Variants in MAGI2 observed in about 807,000 individuals in gnomAD.
MAGI2 encodes the protein membrane-associated guanylate kinase, WW and PDZ domain-containing protein 2.
Under a neutral mutation model 133.3 loss-of-function variants are expected in MAGI2, and 35 were observed. The ratio of observed to expected loss-of-function variants is 0.26; its 90% CI spans 0.20 to 0.35. The LOEUF (loss-of-function observed/expected upper bound fraction) is 0.35, where lower values mean the gene tolerates loss of function less well. Among genes scored for constraint, MAGI2 ranks in the 10% least tolerant of loss-of-function variants. MAGI2 has a pLI of 1.00. For synonymous variants in MAGI2, 729 were observed against 710.6 expected, an observed-to-expected ratio of 1.03 and a Z score of -0.41; for missense variants, 1,636 against 1,863.4, an observed-to-expected ratio of 0.88 and a Z score of 2.25.
At chr7:79,075,381 C>T (rs1815370343) in intron 1 of MAGI2, among the ~76,000 whole-genome samples, 2 of 152,116 alleles carry the variant, frequency 1.3e-5, no homozygotes, top group East Asian at 1.9e-4. Context: ...TGTGGGTAGG[C>T]AACACTATTT....
chr7:79,267,802 G>A (rs1834592562), intron 1 of MAGI2, among the ~76,000 whole-genome samples: 1 of 152,170 alleles, frequency 6.6e-6, no homozygotes, highest in African/African-American at 2.4e-5. Context: ...GATGGCTGAA[G>A]CTTAAATAAC....
At chr7:78,330,714 T>C (rs1789098064) in intron 9 of MAGI2, among the ~76,000 whole-genome samples, 1 of 151,312 alleles carries the variant, frequency 6.6e-6, no homozygotes, top group Non-Finnish European at 1.5e-5. Context: ...AACTAAGCCT[T>C]GGGGATTTAT....
chr7:78,990,958 T>G (rs1038279599), intron 2 of MAGI2, among the ~76,000 whole-genome samples: 6 of 139,198 alleles, frequency 4.3e-5, no homozygotes, highest in Non-Finnish European at 7.9e-5. Context: ...ATGGTTTGGC[T>G]TTTTGTCCCC....
rs139883828 is a variant in MAGI2 at position 78,745,346 on chromosome 7, T to A, written c.419-118107A>T. On this transcript the variant is annotated intron_variant, in intron 2 of 21. Coordinates refer to ENST00000354212, the MANE Select transcript of MAGI2 (RefSeq NM_012301.4). ...TTTCCCACAGTACCAGTGAAAAGAT[T>A]CAATGAGAGGTGAGAGCAGAGGCCC... 7.9e-4 allele frequency among the ~76,000 whole-genome samples: 120 copies of A among 152,222 alleles called. No homozygotes were observed. In the East Asian group the frequency reaches 0.021, roughly 27 times the overall value.
chr7:79,030,692 T>G (rs1301147033), intron 1 of MAGI2, among the ~76,000 whole-genome samples: 1 of 152,168 alleles, frequency 6.6e-6, no homozygotes, highest in Non-Finnish European at 1.5e-5. Flanking sequence ...TCATGGTATA[T>G]CCTTCTCAAA....
At chr7:79,032,923 A>G (rs1233673686) in intron 1 of MAGI2, among the ~76,000 whole-genome samples, 1 of 150,024 alleles carries the variant, frequency 6.7e-6, no homozygotes, top group Non-Finnish European at 1.5e-5. Flanking sequence ...GGAGCTATTC[A>G]TTTACTGTGA....
intron 2 of MAGI2, among the ~76,000 whole-genome samples, chr7:78,657,506 A>C (rs1440896652): frequency 6.6e-6 from 1 of 152,242 alleles, no homozygotes; most frequent in Non-Finnish European, 1.5e-5. Flanking sequence ...GAGCTGTCTG[A>C]AAAGATATGA....
At chr7:79,119,598 T>C (rs1031364407) in intron 1 of MAGI2, among the ~76,000 whole-genome samples, 3 of 152,112 alleles carry the variant, frequency 2.0e-5, no homozygotes, top group Admixed American at 6.6e-5. Context: ...AAATGAAATA[T>C]TAGTTGGAAA....
At chr7:78,800,142 T>G (rs545683408) in intron 2 of MAGI2, among the ~76,000 whole-genome samples, 18 of 152,272 alleles carry the variant, frequency 1.2e-4, no homozygotes, top group African/African-American at 4.3e-4. Flanking sequence ...AGCTTTAATA[T>G]CCATAGATTC....
chr7:78,184,059 T>G (rs115945255), intron 13 of MAGI2, among the ~76,000 whole-genome samples: 2 of 152,266 alleles, frequency 1.3e-5, no homozygotes, highest in Non-Finnish European at 2.9e-5. Flanking sequence ...ACTATTACTT[T>G]GCATATATGT....
chr7:78,226,338 A>AAT (rs1374044091), intron 10 of MAGI2, among the ~76,000 whole-genome samples: 1 of 126,972 alleles, frequency 7.9e-6, no homozygotes, highest in African/African-American at 2.6e-5. Context: ...AAAAAAAAAA[A>AAT]GTGGCCAGCA....
intron 1 of MAGI2, among the ~76,000 whole-genome samples, chr7:79,015,102 G>C (rs1338586113): frequency 6.6e-6 from 1 of 152,094 alleles, no homozygotes; most frequent in South Asian, 2.1e-4. Flanking sequence ...TATTAGCAAG[G>C]TCTATCCCCA....
intron 9 of MAGI2, among the ~76,000 whole-genome samples, chr7:78,269,035 G>A (rs747309765): frequency 4.6e-5 from 7 of 152,060 alleles, no homozygotes; most frequent in Non-Finnish European, 1.0e-4. Context: ...AACATGTGGT[G>A]TTTCGTTTTC....
intron 16 of MAGI2, among the ~76,000 whole-genome samples, chr7:78,144,636 T>C (rs1196364687): frequency 6.6e-6 from 1 of 152,344 alleles, no homozygotes; most frequent in Non-Finnish European, 1.5e-5. Flanking sequence ...TTTATTCCTC[T>C]GAAGACTTTC....
At chr7:78,255,803 T>G in intron 10 of MAGI2, 140 bp downstream of exon 10, 21 of 852,216 alleles carry the variant, frequency 2.5e-5, no homozygotes, top group Non-Finnish European at 3.7e-5. Flanking sequence ...TAATTCATGT[T>G]TTTCTCTCTC....
intron 1 of MAGI2, among the ~76,000 whole-genome samples, chr7:79,074,902 C>G (rs1815328787): frequency 6.6e-6 from 1 of 152,192 alleles, no homozygotes; most frequent in Non-Finnish European, 1.5e-5. Context: ...ATTTAATTAT[C>G]TTACATAACA....
At chr7:79,285,272 C>T (rs1182087989) in intron 1 of MAGI2, among the ~76,000 whole-genome samples, 3 of 151,878 alleles carry the variant, frequency 2.0e-5, no homozygotes, top group Admixed American at 1.3e-4. Flanking sequence ...TAAACTAACA[C>T]TGTCTGATTT....
chr7:78,377,831 A>AAC lies in MAGI2; in HGVS notation c.1046-8619_1046-8618insGT, dbSNP rs67126593. On this transcript the variant is annotated intron_variant, in intron 6 of 21. Coordinates refer to ENST00000354212, the MANE Select transcript of MAGI2 (RefSeq NM_012301.4). ...GAACAAAAGAAATATCAAACTAAAC[A>AAC]AAAAAAAAGAGCAGACTATTTATAG... Among the ~76,000 whole-genome samples, 6 of 5,266 alleles carry AAC rather than the reference A, an allele frequency of 1.1e-3. No homozygotes were observed. In the East Asian group the frequency reaches 0.02, roughly 17 times the overall value. The allele number at this position is 5,266 out of a possible 152,430, so 3.5% of individuals were successfully genotyped here. A position where few individuals can be genotyped will look rare whatever the true frequency, so the allele number is the denominator to read the frequency against.
rs184635037 is a variant in MAGI2 at position 79,266,712 on chromosome 7, G to A, written c.301+186308C>T. 2.1e-3 allele frequency among the ~76,000 whole-genome samples: 319 copies of A among 152,136 alleles called. 14 individuals carry two copies. Among genetic ancestry groups the A allele is most frequent in the Admixed American group, 0.02 (303 of 15,258 alleles). On this transcript the variant is annotated intron_variant, in intron 1 of 21. Transcript: ENST00000354212. ...TGTAAAATTAAACTGCCCCATACTCGGGAAACTTTTTAAACAGTTGGTCAA... is the reference window on the plus strand; with the variant it reads ...TGTAAAATTAAACTGCCCCATACTCAGGAAACTTTTTAAACAGTTGGTCAA...
Sources: gnomAD v4.1 joint callset for allele counts (sites outside exome capture counted in the v4.1 genomes callset) on GRCh38, gnomAD v4.1.1 for gene constraint, MANE v1.5 for transcripts, NCBI Gene and HGNC (gene_info 2026-07-23, HGNC 2026-07-21) for gene names.